The following ZFAT variants were observed in gnomAD, a reference collection of about 807,000 sequenced individuals.
The protein encoded by ZFAT is zinc finger protein ZFAT.
ZFAT carries 64 observed loss-of-function variants against 117.7 expected under a neutral mutation model. The observed-to-expected ratio is 0.54, with a 90% CI of 0.44 to 0.67. ZFAT has a LOEUF of 0.67. Among genes scored for constraint, ZFAT ranks in the 30% least tolerant of loss-of-function variants. ZFAT has a pLI of 0.00. For synonymous variants in ZFAT, 679 were observed against 615.0 expected, an observed-to-expected ratio of 1.10 and a Z score of -1.54; for missense variants, 1,433 against 1,584.5, an observed-to-expected ratio of 0.90 and a Z score of 1.62.
chr8:134,768,283 G>A, the ZFAT span, among the ~76,000 whole-genome samples: 1 of 152,100 alleles, frequency 6.6e-6, no homozygotes, highest in Non-Finnish European at 1.5e-5. Context: ...GATCTTTGAT[G>A]TTACTACAGT....
intron 1 of ZFAT, among the ~76,000 whole-genome samples, chr8:134,691,251 C>A (rs1169112000): frequency 6.6e-6 from 1 of 152,268 alleles, no homozygotes; most frequent in East Asian, 1.9e-4. Flanking sequence ...CCTCCCATAG[C>A]CAAGTGCTGT....
chr8:134,796,819 A>G, the ZFAT span: 1 of 152,224 alleles, frequency 6.6e-6, no homozygotes, highest in African/African-American at 2.4e-5. Flanking sequence ...GTATGCAAGC[A>G]TGTATTAACT....
chr8:134,530,338 C>G (rs184658799), intron 12 of ZFAT, among the ~76,000 whole-genome samples: 1 of 152,064 alleles, frequency 6.6e-6, no homozygotes, highest in Non-Finnish European at 1.5e-5. Flanking sequence ...TGAAATTAAT[C>G]AAAAGAAAAT....
intron 11 of ZFAT, among the ~76,000 whole-genome samples, chr8:134,554,003 A>T (rs1248260771): frequency 1.3e-5 from 2 of 152,222 alleles, no homozygotes; most frequent in Non-Finnish European, 2.9e-5. Context: ...AGGGTCCATG[A>T]ATCTCCAAGT....
the ZFAT span, among the ~76,000 whole-genome samples, chr8:134,771,831 A>G: frequency 6.6e-6 from 1 of 152,190 alleles, no homozygotes; most frequent in East Asian, 1.9e-4. Context: ...GGTTTAATGG[A>G]TTTACAGTTC....
chr8:134,613,208 T>TA (rs1304953724), intron 3 of ZFAT, among the ~76,000 whole-genome samples: 12 of 152,058 alleles, frequency 7.9e-5, no homozygotes, highest in East Asian at 5.8e-4. Context: ...TGTTCACATT[T>TA]AAAAAAAAGA....
chr8:134,517,624 C>T (rs756653350), intron 13 of ZFAT, among the ~76,000 whole-genome samples: 6 of 152,164 alleles, frequency 3.9e-5, no homozygotes, highest in South Asian at 2.1e-4. Context: ...CAGATTCCTC[C>T]GGTTTTCTCA....
At chr8:134,492,712 A>T (rs1226024118) in intron 15 of ZFAT, among the ~76,000 whole-genome samples, 1 of 152,262 alleles carries the variant, frequency 6.6e-6, no homozygotes, top group Non-Finnish European at 1.5e-5. Flanking sequence ...TATAAGTCAG[A>T]AACAAAGGGA....
chr8:134,547,886 AC>A (rs1822818249), intron 11 of ZFAT, among the ~76,000 whole-genome samples: 1 of 152,054 alleles, frequency 6.6e-6, no homozygotes, highest in South Asian at 2.1e-4. Context: ...TGGGCTGAGC[AC>A]CTCCTTTCTA....
At chr8:134,599,598 C>A (rs1250216479) in intron 7 of ZFAT, 2 of 366,042 alleles carry the variant, frequency 5.5e-6, no homozygotes, top group Non-Finnish European at 1.1e-5. Flanking sequence ...CACCCAAACA[C>A]CTGACTTTAC....
At chr8:134,713,197 C>G (rs994734151), upstream of ZFAT, 5 of 238,274 alleles carry the variant, frequency 2.1e-5, no homozygotes, top group Non-Finnish European at 3.2e-5. Context: ...TCCGCTGCGC[C>G]GCGTTTTGAG....
chr8:134,583,749 T>C, intron 10 of ZFAT, 83 bp downstream of exon 10: 2 of 1,521,096 alleles, frequency 1.3e-6, no homozygotes, highest in Non-Finnish European at 1.8e-6. Context: ...CTGCCTCTGG[T>C]ACAGCAAGTT....
intron 1 of ZFAT, among the ~76,000 whole-genome samples, chr8:134,669,672 T>G (rs1259673519): frequency 6.6e-6 from 1 of 152,156 alleles, no homozygotes; most frequent in Non-Finnish European, 1.5e-5. Flanking sequence ...AGACCATCGC[T>G]GCTAGGAAGA....
intron 5 of ZFAT, among the ~76,000 whole-genome samples, chr8:134,604,846 A>C (rs1412616005): frequency 6.6e-6 from 1 of 152,242 alleles, no homozygotes; most frequent in Non-Finnish European, 1.5e-5. Context: ...TAAGGAAAGT[A>C]ATTTGGATCT....
chr8:134,593,457 GT>G (rs1318974720), intron 7 of ZFAT, among the ~76,000 whole-genome samples: 1 of 152,176 alleles, frequency 6.6e-6, no homozygotes, highest in East Asian at 1.9e-4. Context: ...CTTAAAAAGA[GT>G]GGTGGTTAAA....
At chr8:134,810,590 C>T in the ZFAT span, among the ~76,000 whole-genome samples, 1 of 152,178 alleles carries the variant, frequency 6.6e-6, no homozygotes, top group Admixed American at 6.5e-5. Flanking sequence ...CCTGTTCCTT[C>T]AAATCCTTGT....
At chr8:134,549,397 C>T (rs965678613) in intron 11 of ZFAT, among the ~76,000 whole-genome samples, 12 of 149,628 alleles carry the variant, frequency 8.0e-5, no homozygotes, top group Admixed American at 6.7e-4. Context: ...GCCGAGATCA[C>T]GCCACTGTAT....
In ZFAT at chr8:134,712,848, C is replaced by T; in HGVS notation, c.16G>A (p.Ala6Thr). The T allele has an allele frequency of 1.3e-6, 2 of 1,497,896 alleles. No homozygotes were observed. The highest frequency in any genetic ancestry group is 1.3e-5 in the South Asian group (1 of 79,690). The allele number at this position is 1,497,896 out of a possible 1,614,324, so 92.8% of individuals were successfully genotyped here. A position where few individuals can be genotyped will look rare whatever the true frequency, so the allele number is the denominator to read the frequency against. The change falls in exon 1 of 16, where the codon GCA (alanine) becomes ACA (threonine). Residue 6 changes from alanine to threonine, a missense_variant. This residue lies in a region of ZFAT where 436 missense variants were observed against 482.0 expected (regional missense o/e 0.90). Coordinates refer to ENST00000377838, the MANE Select transcript of ZFAT (RefSeq NM_020863.4). METRA[A>T]ENTAIFMCKC... ...CCCAACCCCCAGCCCGGCTCACCTG[C>T]CGCCCGCGTCTCCATGGCAACGCCC... is the stretch of plus-strand genomic sequence containing the variant.
chr8:134,734,663 T>C, the ZFAT span, among the ~76,000 whole-genome samples: 1 of 152,160 alleles, frequency 6.6e-6, no homozygotes, highest in African/African-American at 2.4e-5. Flanking sequence ...TGGTGGCTCC[T>C]GTGAGTTGAG....
Sources: gnomAD v4.1 joint callset for allele counts (sites outside exome capture counted in the v4.1 genomes callset) on GRCh38, gnomAD v4.1.1 for gene constraint, gnomAD v4.1.1 regional missense constraint, MANE v1.5 for transcripts, NCBI Gene and HGNC (gene_info 2026-07-23, HGNC 2026-07-21) for gene names.